Variants in ROR1 observed in about 807,000 individuals in gnomAD.
ROR1 encodes ROR family WNT receptor 1.
Under a neutral mutation model 78.8 loss-of-function variants are expected in ROR1, and 19 were observed. The observed-to-expected ratio is 0.24, with a 90% CI of 0.17 to 0.35. The LOEUF (loss-of-function observed/expected upper bound fraction) is 0.35, where lower values mean the gene tolerates loss of function less well. ROR1 is among the 10% of genes least tolerant of loss of function. The probability of loss-of-function intolerance (pLI) is 1.00; values close to 1 mark genes in which losing one functional copy is unlikely to be tolerated. For synonymous variants in ROR1, 386 were observed against 433.6 expected (o/e 0.89, Z 1.36); for missense variants, 917 against 1,177.8 (o/e 0.78, Z 3.24).
chr1:63,955,341 C>T (rs1021619494), intron 1 of ROR1, among the ~76,000 whole-genome samples: 2 of 152,082 alleles, frequency 1.3e-5, no homozygotes, highest in Non-Finnish European at 2.9e-5. Context: ...TTTTCTTTGG[C>T]AGTTTTTTTC....
Position 64,166,924 on chromosome 1 carries a change from T to A in ROR1, c.1386+7732T>A, listed in dbSNP as rs192071057. On this transcript the variant is annotated intron_variant, in intron 8 of 8. Coordinates refer to ENST00000371079, the MANE Select transcript of ROR1 (RefSeq NM_005012.4). ...GGGAAAAACAAGTCCTATAAATGAC[T>A]ATATTATAAATTGGCATCATAAACG... Among the ~76,000 whole-genome samples, 3 of 152,334 alleles carry A rather than the reference T, an allele frequency of 2.0e-5. No homozygotes were observed. The East Asian group carries it at 5.8e-4, about 29-fold the overall frequency.
At chr1:63,798,671 C>G (rs1473823029) in intron 1 of ROR1, among the ~76,000 whole-genome samples, 1 of 152,162 alleles carries the variant, frequency 6.6e-6, no homozygotes, top group African/African-American at 2.4e-5. Flanking sequence ...AATCACTTAA[C>G]ACATTGTGGC....
At chr1:63,974,728 C>A (rs1279666852) in intron 1 of ROR1, among the ~76,000 whole-genome samples, 1 of 152,120 alleles carries the variant, frequency 6.6e-6, no homozygotes, top group East Asian at 1.9e-4. Context: ...ACCGCACACT[C>A]CTGGGCTCAA....
At position 64,009,343 on chromosome 1, in the gene ROR1, T is replaced by C; in HGVS notation, c.130T>C (p.Ser44Pro). The C allele has an allele frequency of 6.2e-7, 1 of 1,613,806 alleles. No homozygotes were observed. The highest frequency in any genetic ancestry group is 1.1e-5 in the South Asian group (1 of 91,072). The change falls in exon 2 of 9, where the codon TCA becomes CCA. Residue 44 changes from serine to proline, a missense_variant. Coordinates refer to ENST00000371079, the MANE Select transcript of ROR1 (RefSeq NM_005012.4). ...AGTCAGTGCTGAATTAGTGCCTACC[T>C]CATCATGGAACATCTCAAGTGAACT... is the stretch of plus-strand genomic sequence containing the variant. ...LSVSAELVPT[S>P]SWNISSELNK...
At chr1:64,134,277 T>C (rs1649026784) in intron 4 of ROR1, among the ~76,000 whole-genome samples, 1 of 152,198 alleles carries the variant, frequency 6.6e-6, no homozygotes, top group Non-Finnish European at 1.5e-5. Flanking sequence ...AACTTAGCAG[T>C]ATCTGATACA....
chr1:63,827,728 G>A (rs533814467), intron 1 of ROR1, among the ~76,000 whole-genome samples: 5 of 152,294 alleles, frequency 3.3e-5, no homozygotes, highest in African/African-American at 1.2e-4. Flanking sequence ...TTTGGCTTCC[G>A]AGGGGAGAGC....
At chr1:64,127,476 T>C (rs1460008090) in intron 4 of ROR1, among the ~76,000 whole-genome samples, 1 of 151,894 alleles carries the variant, frequency 6.6e-6, no homozygotes, top group African/African-American at 2.4e-5. Flanking sequence ...TCTCTTTCTC[T>C]GTCTCCTCTC....
At chr1:64,022,146 A>G (rs1465354465) in intron 2 of ROR1, among the ~76,000 whole-genome samples, 2 of 152,214 alleles carry the variant, frequency 1.3e-5, no homozygotes, top group African/African-American at 4.8e-5. Flanking sequence ...CCAGACCTAA[A>G]AGGTCACGTG....
intron 1 of ROR1, among the ~76,000 whole-genome samples, chr1:63,928,591 A>G (rs1485389358): frequency 6.6e-6 from 1 of 152,206 alleles, no homozygotes; most frequent in Non-Finnish European, 1.5e-5. Context: ...CTTAGCTTAT[A>G]TAGGCTTGCA....
chr1:63,948,932 G>A (rs556506316), intron 1 of ROR1, among the ~76,000 whole-genome samples: 5 of 152,194 alleles, frequency 3.3e-5, no homozygotes, highest in African/African-American at 1.2e-4. Context: ...TAAGCCACAC[G>A]GTCTATGATA....
intron 1 of ROR1, among the ~76,000 whole-genome samples, chr1:63,887,758 A>C (rs1645367021): frequency 6.6e-6 from 1 of 152,212 alleles, no homozygotes; most frequent in Non-Finnish European, 1.5e-5. Flanking sequence ...TACCTTGAAC[A>C]AATCTTTGAC....
intron 1 of ROR1, among the ~76,000 whole-genome samples, chr1:63,874,101 C>T (rs1425266665): frequency 6.6e-6 from 1 of 151,976 alleles, no homozygotes; most frequent in Non-Finnish European, 1.5e-5. Context: ...TCTCTAAGTA[C>T]AAGATAGTTA....
At chr1:64,120,067 G>T (rs1648472165) in intron 4 of ROR1, among the ~76,000 whole-genome samples, 1 of 152,220 alleles carries the variant, frequency 6.6e-6, no homozygotes, top group Non-Finnish European at 1.5e-5. Flanking sequence ...CCTTTTGGTG[G>T]TTCTCGACTG....
At chr1:64,049,001 G>T (rs1191659196) in intron 2 of ROR1, among the ~76,000 whole-genome samples, 1 of 152,170 alleles carries the variant, frequency 6.6e-6, no homozygotes, top group African/African-American at 2.4e-5. Context: ...TCATAGAACT[G>T]TATAACTAAG....
chr1:64,016,733 T>TATA (rs1553151713), intron 2 of ROR1, among the ~76,000 whole-genome samples: 13 of 140,610 alleles, frequency 9.2e-5, no homozygotes, highest in African/African-American at 3.4e-4. Flanking sequence ...TAAAATATAA[T>TATA]TATATATATA....
chr1:63,960,034 TGCACTG>T (rs1646015469), intron 1 of ROR1, among the ~76,000 whole-genome samples: 1 of 152,194 alleles, frequency 6.6e-6, no homozygotes, highest in African/African-American at 2.4e-5. Flanking sequence ...GTCCCCCAAA[TGCACTG>T]CTGTGACAGC....
At chr1:64,121,978 C>T (rs1332566649) in intron 4 of ROR1, among the ~76,000 whole-genome samples, 1 of 152,206 alleles carries the variant, frequency 6.6e-6, no homozygotes, top group Non-Finnish European at 1.5e-5. Context: ...CACCAGCTGC[C>T]ACAACCTGGC....
At chr1:63,882,674 T>C (rs1645330767) in intron 1 of ROR1, among the ~76,000 whole-genome samples, 1 of 152,212 alleles carries the variant, frequency 6.6e-6, no homozygotes, top group Admixed American at 6.5e-5. Context: ...AGTTAGATTT[T>C]GGTTACAAAT....
At chr1:64,104,499 T>G (rs1647707913) in intron 4 of ROR1, among the ~76,000 whole-genome samples, 1 of 152,062 alleles carries the variant, frequency 6.6e-6, no homozygotes, top group Non-Finnish European at 1.5e-5. Flanking sequence ...TTTTTTTTAT[T>G]TTACTTTAAG....
Sources: allele counts gnomAD v4.1 joint callset (sites outside exome capture counted in the v4.1 genomes callset), GRCh38; gene constraint gnomAD v4.1.1; transcripts MANE v1.5; gene names NCBI Gene and HGNC (gene_info 2026-07-23, HGNC 2026-07-21).